Variants in FOXN3 observed in about 807,000 individuals in gnomAD.
The protein encoded by FOXN3 is forkhead box N3, also known as forkhead box protein N3.
Under a neutral mutation model 38.4 loss-of-function variants are expected in FOXN3, and 7 were observed. That is an observed-to-expected ratio of 0.18 (90% CI 0.10 to 0.34). The LOEUF (loss-of-function observed/expected upper bound fraction) is 0.34. Ranked by LOEUF, FOXN3 falls within the 10% of genes least tolerant of loss-of-function variation. FOXN3 has a pLI of 1.00. For synonymous variants in FOXN3, 230 were observed against 242.2 expected (o/e 0.95, Z 0.47); for missense variants, 456 against 613.4 (o/e 0.74, Z 2.71).
At position 89,517,354 on chromosome 14, in the gene FOXN3, T is replaced by TAAAA. The variant is rs57430361; in HGVS notation, c.-15+101670_-15+101673dup. 3.8e-3 allele frequency among the ~76,000 whole-genome samples: 494 copies of TAAAA among 129,376 alleles called. 3 individuals are homozygous for TAAAA. Among genetic ancestry groups the TAAAA allele is most frequent in the African/African-American group, 0.013 (454 of 33,950 alleles). The allele number at this position is 129,376 out of a possible 152,430, so 84.9% of individuals were successfully genotyped here. A position where few individuals can be genotyped will look rare whatever the true frequency, so the allele number is the denominator to read the frequency against. On this transcript the variant is annotated intron_variant, in intron 1 of 6. Coordinates refer to the FOXN3 transcript ENST00000345097. Reference sequence around the variant, plus strand: ...TGGGCGACAGAAAGAGACCCTGTCTTAAAAAAAAAAAAAAAAAAAAAAAAG... The same window carrying TAAAA: ...TGGGCGACAGAAAGAGACCCTGTCTTAAAAAAAAAAAAAAAAAAAAAAAAAAAAG...
At position 89,440,298 on chromosome 14, in the gene FOXN3, T is replaced by C. The variant is rs111625963; in HGVS notation, c.-14-27808A>G. Among the ~76,000 whole-genome samples the C allele has an allele frequency of 5.4e-3, 818 of 152,206 alleles. 8 individuals carry two copies. Among genetic ancestry groups the C allele is most frequent in the African/African-American group, 0.019 (785 of 41,518 alleles). ...TGCAGCAGCAGCCTCCTGGTAACCTTTATAGGCCTTGGGGATACCAGAATA... is the reference window on the plus strand; with the variant it reads ...TGCAGCAGCAGCCTCCTGGTAACCTCTATAGGCCTTGGGGATACCAGAATA... On this transcript the variant is annotated intron_variant, in intron 1 of 6. Transcript: ENST00000345097.
chr14:89,265,528 G>C (rs902083859), intron 4 of FOXN3, among the ~76,000 whole-genome samples: 2 of 152,148 alleles, frequency 1.3e-5, no homozygotes, highest in African/African-American at 4.8e-5. Context: ...ACTTAAACTA[G>C]TGGTAGAGAC....
intron 1 of FOXN3, among the ~76,000 whole-genome samples, chr14:89,440,478 C>A (rs1338455215): frequency 6.6e-6 from 1 of 152,192 alleles, no homozygotes; most frequent in Admixed American, 6.5e-5. Context: ...CCCTGCCCCA[C>A]CTTAACTGAT....
intron 4 of FOXN3, among the ~76,000 whole-genome samples, chr14:89,252,226 A>T (rs1203157778): frequency 6.6e-6 from 1 of 152,246 alleles, no homozygotes; most frequent in Admixed American, 6.5e-5. Flanking sequence ...CAGGCTATAG[A>T]GCCAAGGATT....
intron 4 of FOXN3, among the ~76,000 whole-genome samples, chr14:89,218,748 G>T (rs748986900): frequency 2.6e-5 from 4 of 152,140 alleles, no homozygotes; most frequent in Non-Finnish European, 5.9e-5. Context: ...ATGTGGGGCT[G>T]CTTTTCTAGG....
intron 1 of FOXN3, among the ~76,000 whole-genome samples, chr14:89,470,309 G>C (rs1008363231): frequency 4.3e-5 from 6 of 140,752 alleles, no homozygotes; most frequent in Non-Finnish European, 9.3e-5. Flanking sequence ...AAAAAAAAAA[G>C]CATTAAATGC....
intron 4 of FOXN3, among the ~76,000 whole-genome samples, chr14:89,256,881 A>T (rs1033289252): frequency 6.6e-6 from 1 of 152,254 alleles, no homozygotes; most frequent in African/African-American, 2.4e-5. Context: ...TTCTGCCAAC[A>T]GGAGCCTGAG....
intron 4 of FOXN3, among the ~76,000 whole-genome samples, chr14:89,223,979 T>G (rs1884552701): frequency 1.3e-5 from 2 of 151,794 alleles, no homozygotes; most frequent in African/African-American, 4.9e-5. Context: ...TTTCAAATAT[T>G]TATAACGATT....
chr14:89,212,768 G>C (rs1000424344), intron 4 of FOXN3, among the ~76,000 whole-genome samples: 1 of 152,118 alleles, frequency 6.6e-6, no homozygotes, highest in Admixed American at 6.6e-5. Context: ...TCAGACCACA[G>C]AACCAGGCAC....
At chr14:89,298,072 C>T (rs747917109) in intron 3 of FOXN3, among the ~76,000 whole-genome samples, 1 of 152,118 alleles carries the variant, frequency 6.6e-6, no homozygotes, top group Non-Finnish European at 1.5e-5. Context: ...TCGATGGATG[C>T]ATGGATAGAC....
intron 1 of FOXN3, among the ~76,000 whole-genome samples, chr14:89,413,085 C>T (rs1363548403): frequency 1.3e-5 from 2 of 152,088 alleles, no homozygotes; most frequent in Non-Finnish European, 2.9e-5. Flanking sequence ...TTATCAATGA[C>T]CTAGAACACG....
intron 1 of FOXN3, among the ~76,000 whole-genome samples, chr14:89,590,875 C>A (rs1265759287): frequency 6.6e-6 from 1 of 152,184 alleles, no homozygotes; most frequent in African/African-American, 2.4e-5. Flanking sequence ...AGGTCTACCC[C>A]CTACCTGGAG....
chr14:89,569,928 G>A (rs1895456184), intron 1 of FOXN3, among the ~76,000 whole-genome samples: 1 of 152,070 alleles, frequency 6.6e-6, no homozygotes, highest in South Asian at 2.1e-4. Context: ...GCTGAGTCCA[G>A]TGCAGAGCTC....
intron 3 of FOXN3, chr14:89,290,339 TC>T: frequency 5.3e-6 from 2 of 376,024 alleles, no homozygotes. Flanking sequence ...TAATGCATCT[TC>T]CCCGAGTTAG....
intron 1 of FOXN3, among the ~76,000 whole-genome samples, chr14:89,488,669 C>T (rs1011015251): frequency 1.3e-5 from 2 of 151,246 alleles, no homozygotes; most frequent in East Asian, 1.9e-4. Context: ...TCTGTACTTT[C>T]GGCAGTGCAT....
intron 2 of FOXN3, among the ~76,000 whole-genome samples, chr14:89,363,292 C>A (rs1325480366): frequency 6.6e-6 from 1 of 152,206 alleles, no homozygotes. Context: ...TCCCACCAAA[C>A]CCCTGCATGG....
chr14:89,340,111 C>A (rs1402338907), intron 3 of FOXN3, among the ~76,000 whole-genome samples: 1 of 151,874 alleles, frequency 6.6e-6, no homozygotes, highest in Admixed American at 6.6e-5. Flanking sequence ...AAGGGGGGTG[C>A]AGGGGAAGGA....
At position 89,511,200 on chromosome 14, in the gene FOXN3, TTCTTTTCTTTCTTTCTTTC is replaced by T; in HGVS notation, c.-14-98729_-14-98711del. Among the ~76,000 whole-genome samples, 2 of 18,608 alleles carry T rather than the reference TTCTTTTCTTTCTTTCTTTC, an allele frequency of 1.1e-4. 1 individual carries two copies. The highest frequency in any genetic ancestry group is 2.1e-4 in the African/African-American group (2 of 9,336). The allele number at this position is 18,608 out of a possible 152,430, so 12.2% of individuals were successfully genotyped here. A position where few individuals can be genotyped will look rare whatever the true frequency, so the allele number is the denominator to read the frequency against. On this transcript the variant is annotated intron_variant, in intron 1 of 6. Transcript: ENST00000345097. ...TTCTTTCTTTCTTTCTTTTCTTTCTTTCTTTTCTTTCTTTCTTTCTTTCTTTCTTTTCTTTCCTTTTCTT... is the reference window on the plus strand; with the variant it reads ...TTCTTTCTTTCTTTCTTTTCTTTCTTTTTCTTTCTTTTCTTTCCTTTTCTT...
chr14:89,200,061 G>C (rs981692251), intron 4 of FOXN3, among the ~76,000 whole-genome samples: 2 of 152,146 alleles, frequency 1.3e-5, no homozygotes, highest in African/African-American at 4.8e-5. Flanking sequence ...AATTTTTAGG[G>C]CCAAAGGGAT....
Sources: gnomAD v4.1 joint callset for allele counts (sites outside exome capture counted in the v4.1 genomes callset) on GRCh38, gnomAD v4.1.1 for gene constraint, MANE v1.5 for transcripts, NCBI Gene and HGNC (gene_info 2026-07-23, HGNC 2026-07-21) for gene names.